The following SLC6A20 variants were observed in gnomAD, a reference collection of about 807,000 sequenced individuals.
The protein encoded by SLC6A20 is solute carrier family 6 member 20.
Under a neutral mutation model 64.3 loss-of-function variants are expected in SLC6A20, and 73 were observed. That is an observed-to-expected ratio of 1.14 (90% CI 0.94 to 1.38). SLC6A20 has a LOEUF of 1.38. Ranked by LOEUF, SLC6A20 falls within the 40% of genes most tolerant of loss-of-function variation. The pLI, the probability that SLC6A20 is intolerant of heterozygous loss-of-function variation, is 0.00. For missense variants in SLC6A20, 725 were observed against 772.8 expected (o/e 0.94, Z 0.73); for synonymous variants, 347 against 329.6 (o/e 1.05, Z -0.57).
At chr3:45,794,907 G>A (rs942765162) in intron 1 of SLC6A20, among the ~76,000 whole-genome samples, 2 of 152,124 alleles carry the variant, frequency 1.3e-5, no homozygotes, top group African/African-American at 4.8e-5. Context: ...GTGTATTTAT[G>A]CACTTCAAAT....
chr3:45,778,238 C>A (rs1160648348), intron 3 of SLC6A20, among the ~76,000 whole-genome samples: 1 of 152,190 alleles, frequency 6.6e-6, no homozygotes, highest in East Asian at 1.9e-4. Context: ...CCAACCCCAC[C>A]AGCTATGAGC....
chr3:45,779,329 T>G (rs1455514153), intron 3 of SLC6A20, among the ~76,000 whole-genome samples: 3 of 152,198 alleles, frequency 2.0e-5, no homozygotes, highest in African/African-American at 7.2e-5. Context: ...AAATTCCTCT[T>G]GTCCTGAATG....
At chr3:45,761,644 CAG>C (rs1453783219) in intron 9 of SLC6A20, among the ~76,000 whole-genome samples, 1 of 152,090 alleles carries the variant, frequency 6.6e-6, no homozygotes, top group East Asian at 1.9e-4. Context: ...CCTGGGGAAA[CAG>C]GGAGAGTTGG....
Position 45,785,726 on chromosome 3 carries a change from A to G in SLC6A20, c.122-3503T>C, listed in dbSNP as rs531793192. ...ACATGCCTTAAAGGCATGTGTGGAGATTAAATACAGCCACACATTCTTCAG... is the reference window on the plus strand; with the variant it reads ...ACATGCCTTAAAGGCATGTGTGGAGGTTAAATACAGCCACACATTCTTCAG... On this transcript the variant is annotated intron_variant, in intron 1 of 10. Coordinates refer to ENST00000358525, the MANE Select transcript of SLC6A20 (RefSeq NM_020208.4). Among the ~76,000 whole-genome samples, 10 of 151,838 alleles carry G rather than the reference A, an allele frequency of 6.6e-5. No individual in the cohort carries two copies. In the East Asian group the frequency reaches 1.9e-3, roughly 29 times the overall value.
chr3:45,783,613 T>C (rs1267027470), intron 1 of SLC6A20, among the ~76,000 whole-genome samples: 1 of 152,262 alleles, frequency 6.6e-6, no homozygotes. Context: ...TGAAGCCTGG[T>C]CCACTTGTTT....
chr3:45,767,280 A>G (rs1164545099), intron 7 of SLC6A20, among the ~76,000 whole-genome samples: 1 of 152,238 alleles, frequency 6.6e-6, no homozygotes, highest in Non-Finnish European at 1.5e-5. Context: ...CCACCACTGA[A>G]ACAGTTACGT....
intron 3 of SLC6A20, among the ~76,000 whole-genome samples, chr3:45,779,570 C>T (rs1700033483): frequency 6.6e-6 from 1 of 152,154 alleles, no homozygotes; most frequent in Non-Finnish European, 1.5e-5. Context: ...GCACGAGTGG[C>T]CCTGAGGAAA....
intron 1 of SLC6A20, among the ~76,000 whole-genome samples, chr3:45,794,524 C>T (rs1700315356): frequency 6.6e-6 from 1 of 152,200 alleles, no homozygotes; most frequent in South Asian, 2.1e-4. Context: ...GCATCCTCTG[C>T]ACCAGGCACA....
At chr3:45,769,689 G>T (rs971067885) in intron 7 of SLC6A20, among the ~76,000 whole-genome samples, 1 of 151,892 alleles carries the variant, frequency 6.6e-6, no homozygotes, top group African/African-American at 2.4e-5. Flanking sequence ...AGTGCAAAAG[G>T]CTTGTTGAAA....
intron 3 of SLC6A20, among the ~76,000 whole-genome samples, chr3:45,778,109 C>T (rs904141783): frequency 6.6e-6 from 1 of 152,190 alleles, no homozygotes; most frequent in Non-Finnish European, 1.5e-5. Context: ...CAAGGATCCC[C>T]GCATTTGTGT....
At chr3:45,781,328 C>T (rs1167530792) in intron 2 of SLC6A20, among the ~76,000 whole-genome samples, 1 of 152,250 alleles carries the variant, frequency 6.6e-6, no homozygotes, top group Non-Finnish European at 1.5e-5. Flanking sequence ...AACCAGGTCA[C>T]ATATAAGCTT....
chr3:45,759,170 C>T (rs200201740), intron 10 of SLC6A20, 43 bp from the exon 11 acceptor site: 1 of 1,569,904 alleles, frequency 6.4e-7, no homozygotes, highest in East Asian at 2.3e-5. Context: ...ACCTGCTGAG[C>T]ACTGCCCCTG....
intron 1 of SLC6A20, among the ~76,000 whole-genome samples, chr3:45,786,532 G>A (rs1700172074): frequency 6.6e-6 from 1 of 152,374 alleles, no homozygotes; most frequent in Admixed American, 6.5e-5. Context: ...AGATGTCAAT[G>A]TGTTCCATTC....
chr3:45,761,658 C>G (rs1699684692), intron 9 of SLC6A20, among the ~76,000 whole-genome samples: 1 of 152,128 alleles, frequency 6.6e-6, no homozygotes, highest in Admixed American at 6.5e-5. Flanking sequence ...GAGAGTTGGT[C>G]CCCTTAACAC....
At chr3:45,761,657 T>A (rs1382646428) in intron 9 of SLC6A20, among the ~76,000 whole-genome samples, 1 of 152,154 alleles carries the variant, frequency 6.6e-6, no homozygotes, top group African/African-American at 2.4e-5. Flanking sequence ...GGAGAGTTGG[T>A]CCCCTTAACA....
At position 45,759,884 on chromosome 3, in the gene SLC6A20, C is replaced by A; in HGVS notation, c.1602G>T (p.Leu534=). 1 of 1,614,036 alleles carries A rather than the reference C, an allele frequency of 6.2e-7. No homozygotes were observed. The highest frequency in any genetic ancestry group is 1.1e-5 in the South Asian group (1 of 91,068). Residue 534 remains leucine (L), a synonymous_variant, in exon 10 of 11, where the codon CTG becomes CTT. Coordinates refer to ENST00000358525, the MANE Select transcript of SLC6A20 (RefSeq NM_020208.4). ...YLSDYILTGT[L]KYQAWDASQG... Reference sequence around the variant, plus strand: ...GGGAGGCGTCCCAGGCTTGATACTTCAGGGTCCCCGTGAGGATGTAGTCGC... The same window carrying A: ...GGGAGGCGTCCCAGGCTTGATACTTAAGGGTCCCCGTGAGGATGTAGTCGC...
At chr3:45,763,117 A>T in intron 8 of SLC6A20, 45 bp from the exon 9 acceptor site, 1 of 1,609,118 alleles carries the variant, frequency 6.2e-7, no homozygotes, top group Non-Finnish European at 8.5e-7. Flanking sequence ...AGACCCCCCC[A>T]CTACTGCTTA....
intron 10 of SLC6A20, 54 bp downstream of exon 10, chr3:45,759,803 T>C (rs572814370): frequency 6.4e-5 from 99 of 1,556,258 alleles, no homozygotes; most frequent in East Asian, 2.9e-4. Context: ...GAATGGCCCA[T>C]GCTTTTCAGT....
At chr3:45,763,784 C>T (rs535459229) in intron 8 of SLC6A20, among the ~76,000 whole-genome samples, 53 of 152,316 alleles carry the variant, frequency 3.5e-4, no homozygotes, top group African/African-American at 1.2e-3. Context: ...CCTCCAGCTG[C>T]CTTCCCTGGG....
Sources: allele counts gnomAD v4.1 joint callset (sites outside exome capture counted in the v4.1 genomes callset), GRCh38; gene constraint gnomAD v4.1.1; transcripts MANE v1.5; gene names NCBI Gene and HGNC (gene_info 2026-07-23, HGNC 2026-07-21).